Variants in RIGI observed in about 807,000 individuals in gnomAD.
The protein encoded by RIGI is antiviral innate immune response receptor RIG-I.
At chr9:32,483,428 G>A in the RIGI span, among the ~76,000 whole-genome samples, 209 of 152,178 alleles carry the variant, frequency 1.4e-3, no homozygotes, top group Non-Finnish European at 2.3e-3. Flanking sequence ...AACTGGATTC[G>A]GACTGGCAAA....
the RIGI span, chr9:32,494,018 C>T: frequency 8.6e-7 from 1 of 1,164,676 alleles, no homozygotes; most frequent in Admixed American, 3.0e-5. Flanking sequence ...TCATAGAAAT[C>T]ATGTTTGAAT....
chr9:32,500,790 AAAG>A, the RIGI span: 1 of 1,603,720 alleles, frequency 6.2e-7, no homozygotes. Context: ...TTGTGATTAA[AAAG>A]AATGAACTAA....
chr9:32,469,756 GTTTGTGTAA>G, the RIGI span, among the ~76,000 whole-genome samples: 1 of 152,204 alleles, frequency 6.6e-6, no homozygotes, highest in Admixed American at 6.5e-5. Flanking sequence ...TAATCACCCA[GTTTGTGTAA>G]TCATGGCGGA....
At chr9:32,460,256 C>T in the RIGI span, among the ~76,000 whole-genome samples, 86 of 152,302 alleles carry the variant, frequency 5.6e-4, no homozygotes, top group East Asian at 0.015. Context: ...TTCCCAATCT[C>T]GGTTATGTCT....
At chr9:32,508,263 T>C in the RIGI span, among the ~76,000 whole-genome samples, 1 of 147,556 alleles carries the variant, frequency 6.8e-6, no homozygotes, top group Non-Finnish European at 1.5e-5. Flanking sequence ...TTTTTTACTA[T>C]ATGAAAATCC....
chr9:32,459,496 G>A, the RIGI span: 1 of 1,611,660 alleles, frequency 6.2e-7, no homozygotes, highest in African/African-American at 1.3e-5. Flanking sequence ...AATTTTTCAT[G>A]AGTCTGTATA....
At chr9:32,498,252 G>C in the RIGI span, 2 of 456,528 alleles carry the variant, frequency 4.4e-6, no homozygotes, top group Non-Finnish European at 8.8e-6. Flanking sequence ...CTCCACCCTT[G>C]GATCTTGCTA....
the RIGI span, chr9:32,494,079 T>A: frequency 1.5e-6 from 1 of 671,778 alleles, no homozygotes; most frequent in Non-Finnish European, 2.4e-6. Context: ...CAATTGTCAT[T>A]GATTTTTCAA....
At chr9:32,512,746 AG>A in the RIGI span, among the ~76,000 whole-genome samples, 17 of 152,226 alleles carry the variant, frequency 1.1e-4, no homozygotes, top group African/African-American at 3.1e-4. Context: ...AAAGAAATAA[AG>A]GGTATTCAAT....
At chr9:32,468,856 T>C in the RIGI span, among the ~76,000 whole-genome samples, 3 of 152,160 alleles carry the variant, frequency 2.0e-5, no homozygotes, top group East Asian at 5.8e-4. Flanking sequence ...TACAGTTGTA[T>C]TATGTTTCTC....
At chr9:32,504,536 G>T in the RIGI span, among the ~76,000 whole-genome samples, 1 of 151,446 alleles carries the variant, frequency 6.6e-6, no homozygotes, top group South Asian at 2.1e-4. Context: ...AAATTAGCCG[G>T]GCATGGTGGC....
At chr9:32,510,332 C>T in the RIGI span, among the ~76,000 whole-genome samples, 11 of 152,088 alleles carry the variant, frequency 7.2e-5, no homozygotes, top group Non-Finnish European at 1.5e-4. Flanking sequence ...TAGGTGCAGC[C>T]AGAGAGAAAG....
chr9:32,473,222 T>C, the RIGI span, among the ~76,000 whole-genome samples: 1 of 151,628 alleles, frequency 6.6e-6, no homozygotes, highest in Non-Finnish European at 1.5e-5. Flanking sequence ...GGAATTGAAC[T>C]CTATGTAATA....
the RIGI span, among the ~76,000 whole-genome samples, chr9:32,490,884 C>T: frequency 3.9e-5 from 6 of 152,266 alleles, no homozygotes; most frequent in South Asian, 1.2e-3. Context: ...ATTTGGGTAG[C>T]ACACTAACTT....
chr9:32,476,616 T>C, the RIGI span, among the ~76,000 whole-genome samples: 3 of 151,230 alleles, frequency 2.0e-5, no homozygotes, highest in Non-Finnish European at 4.4e-5. Flanking sequence ...CATACACATA[T>C]ATGGTTTCTT....
the RIGI span, among the ~76,000 whole-genome samples, chr9:32,519,237 A>G: frequency 1.3e-5 from 2 of 152,096 alleles, no homozygotes; most frequent in Admixed American, 1.3e-4. Context: ...TTACTTATAT[A>G]TACATATTAA....
chr9:32,472,880 A>G, the RIGI span: 21 of 587,664 alleles, frequency 3.6e-5, no homozygotes, highest in Non-Finnish European at 4.7e-5. Flanking sequence ...AATTTGAAAT[A>G]TATATTATAT....
the RIGI span, chr9:32,498,487 A>C: frequency 2.7e-6 from 1 of 366,748 alleles, no homozygotes; most frequent in East Asian, 7.5e-5. Flanking sequence ...TGCAGACTGC[A>C]ACCCTTTATG....
the RIGI span, chr9:32,477,219 A>T: frequency 6.8e-7 from 1 of 1,474,444 alleles, no homozygotes; most frequent in Non-Finnish European, 9.1e-7. Flanking sequence ...CAAACAGCTG[A>T]TCTCTAAATC....
Sources: allele counts gnomAD v4.1 joint callset (sites outside exome capture counted in the v4.1 genomes callset), GRCh38; gene constraint gnomAD v4.1.1; transcripts MANE v1.5; gene names NCBI Gene and HGNC (gene_info 2026-07-23, HGNC 2026-07-21).